The following GRM1 variants were observed in gnomAD, a reference collection of about 807,000 sequenced individuals.
GRM1 encodes metabotropic glutamate receptor 1.
In GRM1, 33 loss-of-function variants were observed where a neutral mutation model predicts 90.9. The observed-to-expected ratio is 0.36, with a 90% CI of 0.28 to 0.49. The LOEUF (loss-of-function observed/expected upper bound fraction) is 0.49. Ranked by LOEUF, GRM1 falls within the 20% of genes least tolerant of loss-of-function variation. The pLI is 0.99. For synonymous variants in GRM1, 700 were observed against 613.2 expected (o/e 1.14, Z -2.09); for missense variants, 1,190 against 1,534.3 (o/e 0.78, Z 3.75).
intron 1 of GRM1, among the ~76,000 whole-genome samples, chr6:146,129,157 T>C (rs1472087443): frequency 6.6e-6 from 1 of 152,178 alleles, no homozygotes; most frequent in Non-Finnish European, 1.5e-5. Flanking sequence ...TATTTGAACA[T>C]TTTATTGGAA....
chr6:146,412,468 T>C (rs1019113512), intron 7 of GRM1, among the ~76,000 whole-genome samples: 2 of 152,162 alleles, frequency 1.3e-5, no homozygotes, highest in Non-Finnish European at 2.9e-5. Context: ...TCATTTACAG[T>C]AGAGATGACA....
At position 146,029,289 on chromosome 6, in the gene GRM1, C is replaced by G; in HGVS notation, c.-229C>G. ...CGGTGAAGAACGGGGACTCGAATTC[C>G]CTTACAAACGCCTCCAGCTTGTAGA... On this transcript the variant is annotated 5_prime_UTR_variant, in exon 1 of 8. Transcript: ENST00000282753. 1 of 583,822 alleles carries G rather than the reference C, an allele frequency of 1.7e-6. No individual in the cohort carries two copies. Among genetic ancestry groups the G allele is most frequent in the Non-Finnish European group, 3.1e-6 (1 of 327,036 alleles). 36.2% of individuals were successfully genotyped at this position (583,822 alleles called of 1,614,324 possible).
rs750765615 is a variant in GRM1, at chr6:146,030,132, C to G, written c.615C>G (p.Val205=). The G allele has an allele frequency of 1.4e-5, 23 of 1,614,030 alleles. No individual in the cohort carries two copies. In the Middle Eastern group the frequency reaches 4.9e-4, roughly 35 times the overall value. The change falls in exon 1 of 8, where the codon GTC becomes GTG. Residue 205 remains valine, a synonymous_variant. Coordinates refer to ENST00000282753, the MANE Select transcript of GRM1 (RefSeq NM_001278064.2). Reference sequence around the variant, plus strand: ...TGTACAAATACTTCCTGAGGGTTGTCCCTTCTGACACTTTGCAGGCAAGGG... The same window carrying G: ...TGTACAAATACTTCCTGAGGGTTGTGCCTTCTGACACTTTGCAGGCAAGGG... ...KTLYKYFLRV[V]PSDTLQARAM...
chr6:146,203,192 A>AAAATAAATAAATAAATAAATAAAT, intron 2 of GRM1, among the ~76,000 whole-genome samples: 1 of 141,786 alleles, frequency 7.1e-6, no homozygotes, highest in Non-Finnish European at 1.5e-5. Context: ...ACTCCGTCTC[A>AAAATAAATAAATAAATAAATAAAT]AAATAAATAA....
chr6:146,380,155 T>C (rs985070522), intron 5 of GRM1, among the ~76,000 whole-genome samples: 2 of 152,038 alleles, frequency 1.3e-5, no homozygotes, highest in African/African-American at 2.4e-5. Flanking sequence ...AGTCAGCAAG[T>C]GGCAAAGCCA....
At chr6:146,279,991 C>G (rs1194479224) in intron 2 of GRM1, among the ~76,000 whole-genome samples, 1 of 152,040 alleles carries the variant, frequency 6.6e-6, no homozygotes, top group African/African-American at 2.4e-5. Context: ...TTGTATTTAT[C>G]CTGCTAGGAT....
chr6:146,335,980 G>T (rs1784759758), intron 3 of GRM1, among the ~76,000 whole-genome samples: 1 of 152,130 alleles, frequency 6.6e-6, no homozygotes, highest in Admixed American at 6.5e-5. Context: ...TCCTGCCTGT[G>T]TCCATGTAAG....
At chr6:146,335,422 T>C (rs1784736242) in intron 3 of GRM1, among the ~76,000 whole-genome samples, 1 of 152,018 alleles carries the variant, frequency 6.6e-6, no homozygotes, top group Non-Finnish European at 1.5e-5. Context: ...CTCTAGGAGG[T>C]TTCTTTGTGC....
At chr6:146,288,703 G>T (rs1242403171) in intron 2 of GRM1, among the ~76,000 whole-genome samples, 8 of 151,974 alleles carry the variant, frequency 5.3e-5, no homozygotes, top group Non-Finnish European at 8.8e-5. Flanking sequence ...ATGGGGTTTT[G>T]CCATATCGGC....
In GRM1 at chr6:146,274,578, T is replaced by G. The variant is rs999197274; in HGVS notation, c.951-30033T>G. Reference sequence around the variant, plus strand: ...TTAAAATTTTTGCAAAAGAGAGATGTTTTCAACTATTTTAAGATTAAATGC... The same window carrying G: ...TTAAAATTTTTGCAAAAGAGAGATGGTTTCAACTATTTTAAGATTAAATGC... On this transcript the variant is annotated intron_variant, in intron 2 of 7. Coordinates refer to ENST00000282753, the MANE Select transcript of GRM1 (RefSeq NM_001278064.2). Among the ~76,000 whole-genome samples the G allele has an allele frequency of 5.9e-5, 9 of 152,222 alleles. 1 individual carries two copies. The highest frequency in any genetic ancestry group is 1.4e-4 in the African/African-American group (6 of 41,460).
At chr6:146,270,903 TTCTTTCTTTCTTCCTTC>T (rs1468033944) in intron 2 of GRM1, among the ~76,000 whole-genome samples, 4 of 117,362 alleles carry the variant, frequency 3.4e-5, no homozygotes, top group Non-Finnish European at 5.1e-5. Context: ...CTTTCTTTCT[TTCTTTCTTTCTTCCTTC>T]CTTCCTTCCT....
At chr6:146,355,609 C>T (rs1785554607) in intron 4 of GRM1, among the ~76,000 whole-genome samples, 2 of 152,048 alleles carry the variant, frequency 1.3e-5, no homozygotes, top group African/African-American at 4.8e-5. Context: ...AATGCATTTG[C>T]ACATTAAGAA....
At chr6:146,304,466 A>C (rs1783504033) in intron 2 of GRM1, 145 bp from the exon 3 acceptor site, 18 of 701,450 alleles carry the variant, frequency 2.6e-5, no homozygotes, top group Non-Finnish European at 3.6e-5. Context: ...TCTACTCTCT[A>C]CCAAAAAAAA....
At chr6:146,042,687 C>T (rs1035067837) in intron 1 of GRM1, among the ~76,000 whole-genome samples, 1 of 151,868 alleles carries the variant, frequency 6.6e-6, no homozygotes. Context: ...TTTAGAGGAG[C>T]CAATTGAGAT....
intron 1 of GRM1, among the ~76,000 whole-genome samples, chr6:146,069,352 A>G (rs887260851): frequency 4.6e-5 from 7 of 152,148 alleles, no homozygotes; most frequent in Admixed American, 4.6e-4. Flanking sequence ...ATTACATTAC[A>G]TTATGACTGA....
chr6:146,180,913 G>C (rs1778528493), intron 2 of GRM1, among the ~76,000 whole-genome samples: 1 of 152,102 alleles, frequency 6.6e-6, no homozygotes, highest in Admixed American at 6.5e-5. Flanking sequence ...GACCTTTCTG[G>C]TTAGCTCTAG....
intron 1 of GRM1, among the ~76,000 whole-genome samples, chr6:146,070,372 T>C (rs1412454819): frequency 6.6e-6 from 1 of 152,204 alleles, no homozygotes; most frequent in Admixed American, 6.5e-5. Flanking sequence ...GACAGTCTTA[T>C]GGTATGCGCT....
At chr6:146,402,422 A>G (rs2114596141) in intron 7 of GRM1, among the ~76,000 whole-genome samples, 1 of 152,252 alleles carries the variant, frequency 6.6e-6, no homozygotes, top group South Asian at 2.1e-4. Context: ...TTACCTTTTT[A>G]TTGCCATTTT....
intron 7 of GRM1, among the ~76,000 whole-genome samples, chr6:146,424,601 A>G (rs1778129175): frequency 6.6e-6 from 1 of 152,248 alleles, no homozygotes; most frequent in African/African-American, 2.4e-5. Flanking sequence ...ATTACAGAGC[A>G]CTAAACATCA....
Sources: allele counts gnomAD v4.1 joint callset (sites outside exome capture counted in the v4.1 genomes callset), GRCh38; gene constraint gnomAD v4.1.1; transcripts MANE v1.5; gene names NCBI Gene and HGNC (gene_info 2026-07-23, HGNC 2026-07-21).